Variants in CD101 observed in about 807,000 individuals in gnomAD.
The protein encoded by CD101 is immunoglobulin superfamily member 2.
Under a neutral mutation model 98.2 loss-of-function variants are expected in CD101, and 76 were observed. The ratio of observed to expected loss-of-function variants is 0.77; its 90% confidence interval spans 0.64 to 0.94. CD101 has a LOEUF of 0.94. CD101 is among the 40% of genes least tolerant of loss of function. CD101 has a pLI of 0.00. For synonymous variants in CD101, 471 were observed against 472.7 expected (o/e 1.00, Z 0.05); for missense variants, 1,145 against 1,218.8 (o/e 0.94, Z 0.90).
At chr1:117,009,277 C>A (rs1652733187) in intron 1 of CD101, among the ~76,000 whole-genome samples, 3 of 152,172 alleles carry the variant, frequency 2.0e-5, no homozygotes, top group Non-Finnish European at 4.4e-5. Context: ...ACCAAAAAAA[C>A]CTCCACAGAA....
chr1:117,030,445 GAA>G (rs1654381190), intron 8 of CD101, among the ~76,000 whole-genome samples: 1 of 150,032 alleles, frequency 6.7e-6, no homozygotes, highest in Non-Finnish European at 1.5e-5. Flanking sequence ...GAAAGAAAGA[GAA>G]AGAAAGAAAA....
In CD101 at chr1:117,021,986, A is replaced by G. The variant is rs768558615; in HGVS notation, c.2428+3A>G. The G allele has an allele frequency of 2.3e-5, 37 of 1,599,870 alleles. No individual in the cohort carries two copies. The highest frequency in any genetic ancestry group is 5.4e-5 in the African/African-American group (4 of 74,302). ...AGAATTGAAACTCAAGCCCACAGGT[A>G]AACCTTGCGAGTGTATCCTCACAAT... On this transcript the variant is annotated splice_donor_region_variant and intron_variant, in intron 7 of 9. Coordinates refer to ENST00000682167, the MANE Select transcript of CD101 (RefSeq NM_001256106.3). The surrounding 1 kb of genome is among the most constrained non-coding windows in gnomAD (Gnocchi z 4.7).
Position 117,018,345 on chromosome 1 carries a change from T to C in CD101, c.1802T>C (p.Ile601Thr), listed in dbSNP as rs773839224. The C allele has an allele frequency of 1.2e-5, 19 of 1,614,072 alleles. No homozygotes were observed. Among genetic ancestry groups the C allele is most frequent in the Non-Finnish European group, 1.5e-5 (18 of 1,180,030 alleles). ...QLIRITHNGT[I>T]EWGNFLSRFQ... ...ATTCGAATCACCCACAATGGCACTA[T>C]TGAATGGGGGAATTTCCTATCCCGG... The change falls in exon 6 of 10, where the codon ATT becomes ACT. Residue 601 changes from isoleucine to threonine, a missense_variant. Transcript: ENST00000682167. This position sits in a 1 kb window ranked among gnomAD's most constrained non-coding sequence, Gnocchi z 4.3.
At chr1:117,024,252 G>A (rs559863884) in intron 7 of CD101, among the ~76,000 whole-genome samples, 197 of 152,238 alleles carry the variant, frequency 1.3e-3, no homozygotes, top group Non-Finnish European at 1.7e-3. Context: ...CAAGGTGGGC[G>A]GATCACCTGA....
chr1:117,017,095 A>G lies in CD101; in HGVS notation c.1234A>G (p.Ser412Gly), dbSNP rs774861582. ...CTATAATCTGTAACTCACAGCAAGA[A>G]GTGTGGTCATGTCTACCAAGAACAA... ...HVHLRKPAAR[S>G]VVMSTKNKQQ... Residue 412 changes from serine (S) to glycine (G), a missense_variant, in exon 5 of 10, where the codon AGT becomes GGT. Coordinates refer to ENST00000682167, the MANE Select transcript of CD101 (RefSeq NM_001256106.3). 6.2e-7 allele frequency: 1 copy of G among 1,612,864 alleles called. No individual in the cohort carries two copies. Among genetic ancestry groups the G allele is most frequent in the Non-Finnish European group, 8.5e-7 (1 of 1,179,142 alleles).
chr1:117,024,670 C>G (rs1375138234), intron 7 of CD101, among the ~76,000 whole-genome samples: 1 of 152,196 alleles, frequency 6.6e-6, no homozygotes, highest in African/African-American at 2.4e-5. Context: ...AAAACTCAGT[C>G]TAATCCAATC....
At chr1:117,015,889 A>C (rs1472569551) in intron 4 of CD101, among the ~76,000 whole-genome samples, 2 of 152,032 alleles carry the variant, frequency 1.3e-5, no homozygotes, top group Non-Finnish European at 2.9e-5. Context: ...GGCAATTCTG[A>C]CTCCAGGAGC....
At chr1:117,029,222 AAAGAAAG>A (rs1257965377) in intron 8 of CD101, among the ~76,000 whole-genome samples, 6,100 of 51,312 alleles carry the variant, frequency 0.12, 591 homozygotes, top group African/African-American at 0.18. Flanking sequence ...GAAAAGAAAG[AAAGAAAG>A]AAAGAAAGAA....
In CD101 at chr1:117,010,052, C is replaced by G. The variant is rs749117063; in HGVS notation, c.246C>G (p.Tyr82Ter). The change falls in exon 2 of 10, where the codon TAC (tyrosine) becomes TAG (stop). Residue 82 changes from tyrosine to a stop codon, truncating the protein, a stop_gained. Coordinates refer to ENST00000682167, the MANE Select transcript of CD101 (RefSeq NM_001256106.3). LOFTEE classifies it high-confidence loss of function. The surrounding 1 kb of genome is among the most constrained non-coding windows in gnomAD (Gnocchi z 5.2). ...IISTKDAAFSYAVYTQRVRSG... is the reference protein window; with the variant it reads ...IISTKDAAFS ...GCACCAAGGATGCTGCCTTCTCTTA[C>G]GCAGTATATACGCAGCGGGTGCGAA... 3.1e-6 allele frequency: 5 copies of G among 1,614,180 alleles called. No homozygotes were observed. The South Asian group carries it at 4.4e-5, about 14-fold the overall frequency.
At position 117,033,412 on chromosome 1, in the gene CD101, G is replaced by A. The variant is rs1466413555; in HGVS notation, c.2825-448G>A. ...CAGTGCAGAGTGCAGGGCAGAGTGTGTGTGTATGTGTGTGTGAGAAAGAGT... is the reference window on the plus strand; with the variant it reads ...CAGTGCAGAGTGCAGGGCAGAGTGTATGTGTATGTGTGTGTGAGAAAGAGT... On this transcript the variant is annotated intron_variant, in intron 8 of 9. Coordinates refer to ENST00000682167, the MANE Select transcript of CD101 (RefSeq NM_001256106.3). This position sits in a 1 kb window ranked among gnomAD's most constrained non-coding sequence, Gnocchi z 4.8. Among the ~76,000 whole-genome samples, 1 of 152,140 alleles carries A rather than the reference G, an allele frequency of 6.6e-6. No homozygotes were observed. The highest frequency in any genetic ancestry group is 6.5e-5 in the Admixed American group (1 of 15,272).
intron 8 of CD101, chr1:117,026,503 C>G (rs1438535057): frequency 6.6e-6 from 1 of 152,226 alleles, no homozygotes; most frequent in African/African-American, 2.4e-5. Context: ...CTCCTGAGTG[C>G]CAGGCCAAAA....
Position 117,025,539 on chromosome 1 carries a change from G to C in CD101, c.2459G>C (p.Trp820Ser), listed in dbSNP as rs200535830. ...GSKVRVSKVYWTENVTEHREV... is the reference protein window; with the variant it reads ...GSKVRVSKVYSTENVTEHREV... ...AAGGTACGTGTCTCCAAAGTGTACT[G>C]GACCGAAAATGTGACTGAGCACAGA... is the stretch of plus-strand genomic sequence containing the variant. Residue 820 changes from tryptophan to serine, a missense_variant, in exon 8 of 10, where the codon TGG becomes TCG. Transcript: ENST00000682167. The C allele has an allele frequency of 6.3e-6, 10 of 1,598,136 alleles. No homozygotes were observed. In the South Asian group the frequency reaches 1.0e-4, roughly 16 times the overall value.
chr1:117,024,117 G>A (rs185335053), intron 7 of CD101, among the ~76,000 whole-genome samples: 28 of 152,314 alleles, frequency 1.8e-4, no homozygotes, highest in Non-Finnish European at 3.2e-4. Flanking sequence ...GGAAAGGGGA[G>A]AGTAAAAATG....
In CD101 at chr1:117,006,963, G is replaced by A. The variant is rs1028387507; in HGVS notation, c.44-2887G>A. ...GTTTTCACAATAAAAATTTTCAAACGTGGTACCCATCTTGCTGAAAAGTGA... is the reference window on the plus strand; with the variant it reads ...GTTTTCACAATAAAAATTTTCAAACATGGTACCCATCTTGCTGAAAAGTGA... On this transcript the variant is annotated intron_variant, in intron 1 of 9. Transcript: ENST00000682167. The surrounding 1 kb of genome is among the most constrained non-coding windows in gnomAD (Gnocchi z 4.4). 2.0e-5 allele frequency among the ~76,000 whole-genome samples: 3 copies of A among 152,102 alleles called. No homozygotes were observed. The highest frequency in any genetic ancestry group is 1.3e-4 in the Admixed American group (2 of 15,272).
Position 117,013,409 on chromosome 1 carries a change from A to C in CD101, c.845A>C (p.Lys282Thr). The change falls in exon 4 of 10, where the codon AAA (lysine) becomes ACA (threonine). Residue 282 changes from lysine (K) to threonine (T), a missense_variant. Transcript: ENST00000682167. ...CTGCCTTGCTTTTGTTTCCCAGTGAAAGATTTTCAAGTCAACATTACAGCT... is the reference window on the plus strand; with the variant it reads ...CTGCCTTGCTTTTGTTTCCCAGTGACAGATTTTCAAGTCAACATTACAGCT... ...QTTLRIQPAV[K>T]DFQVNITADS... 2 of 1,602,322 alleles carry C rather than the reference A, an allele frequency of 1.2e-6. No homozygotes were observed. Among genetic ancestry groups the C allele is most frequent in the Non-Finnish European group, 1.7e-6 (2 of 1,172,388 alleles).
chr1:117,034,801 G>T (rs17235787), intron 9 of CD101, among the ~76,000 whole-genome samples: 9,170 of 152,168 alleles, frequency 0.06, 325 homozygotes, highest in East Asian at 0.1. Flanking sequence ...CAAAAACTTT[G>T]TAAAAACTCA....
chr1:117,008,138 A>C (rs1339419252), intron 1 of CD101, among the ~76,000 whole-genome samples: 1 of 152,224 alleles, frequency 6.6e-6, no homozygotes, highest in Admixed American at 6.5e-5. Context: ...ATGTCACATT[A>C]ATTTGGACTT....
intron 8 of CD101, among the ~76,000 whole-genome samples, chr1:117,027,919 A>T (rs921577130): frequency 1.3e-5 from 2 of 152,012 alleles, no homozygotes; most frequent in Non-Finnish European, 2.9e-5. Flanking sequence ...CCCTGTGTGT[A>T]CTAAAAATCC....
At position 117,004,614 on chromosome 1, in the gene CD101, C is replaced by T. The variant is rs756234233; in HGVS notation, c.43+2754C>T. On this transcript the variant is annotated intron_variant, in intron 1 of 9. Transcript: ENST00000682167. The surrounding 1 kb of genome is among the most constrained non-coding windows in gnomAD (Gnocchi z 4.1). ...ACCCTCTACCCATTAAAAGAGAGAG[C>T]AAGAGGGCAGTCCTCACAGGTGTTT... is the stretch of plus-strand genomic sequence containing the variant. Among the ~76,000 whole-genome samples the T allele has an allele frequency of 2.0e-5, 3 of 152,064 alleles. No homozygotes were observed. Among genetic ancestry groups the T allele is most frequent in the Admixed American group, 6.6e-5 (1 of 15,250 alleles).
Sources: gnomAD v4.1 joint callset for allele counts (sites outside exome capture counted in the v4.1 genomes callset) on GRCh38, gnomAD v4.1.1 for gene constraint, Gnocchi (gnomAD v3.1) non-coding constraint, MANE v1.5 for transcripts, NCBI Gene and HGNC (gene_info 2026-07-23, HGNC 2026-07-21) for gene names.